TLN2: variants seen among roughly 807,000 people sequenced by gnomAD.
The protein encoded by TLN2 is talin 2.
Under a neutral mutation model 294.7 loss-of-function variants are expected in TLN2, and 118 were observed. That is an observed-to-expected ratio of 0.40 (90% CI 0.34 to 0.47). The LOEUF is 0.47. Ranked by LOEUF, TLN2 falls within the 20% of genes least tolerant of loss-of-function variation. The pLI is 0.84. For missense variants in TLN2, 3,083 were observed against 3,282.2 expected (o/e 0.94, Z 1.48); for synonymous variants, 1,431 against 1,304.5 (o/e 1.10, Z -2.09).
intron 1 of TLN2, among the ~76,000 whole-genome samples, chr15:62,421,644 G>C (rs2034401836): frequency 6.6e-6 from 1 of 151,654 alleles, no homozygotes; most frequent in African/African-American, 2.4e-5. Flanking sequence ...TGGACATATA[G>C]AGGGGAAAAC....
chr15:62,681,234 C>A (rs1596680096), intron 11 of TLN2, among the ~76,000 whole-genome samples: 1 of 152,104 alleles, frequency 6.6e-6, no homozygotes, highest in Non-Finnish European at 1.5e-5. Context: ...AAGCCCTAAA[C>A]TGAACATTGC....
At chr15:62,432,091 G>A (rs947725919) in intron 1 of TLN2, among the ~76,000 whole-genome samples, 3 of 152,178 alleles carry the variant, frequency 2.0e-5, no homozygotes, top group East Asian at 3.9e-4. Flanking sequence ...CAGTTGGGCT[G>A]TATTCCTTCA....
At chr15:62,512,829 T>C (rs1252973279) in intron 1 of TLN2, among the ~76,000 whole-genome samples, 3 of 152,224 alleles carry the variant, frequency 2.0e-5, no homozygotes, top group Admixed American at 6.5e-5. Context: ...CAGGATGTTT[T>C]GGGCATCTTC....
intron 1 of TLN2, among the ~76,000 whole-genome samples, chr15:62,473,850 T>G (rs2037629812): frequency 6.6e-6 from 1 of 152,152 alleles, no homozygotes; most frequent in African/African-American, 2.4e-5. Flanking sequence ...TCCCAGCACT[T>G]TGGGAGGCCG....
At chr15:62,808,557 T>C (rs1445564483) in intron 51 of TLN2, among the ~76,000 whole-genome samples, 1 of 152,144 alleles carries the variant, frequency 6.6e-6, no homozygotes, top group Non-Finnish European at 1.5e-5. Context: ...TTCTACCCGG[T>C]TACAGAGCCC....
At chr15:62,737,827 G>C (rs888928096) in intron 29 of TLN2, among the ~76,000 whole-genome samples, 5 of 152,158 alleles carry the variant, frequency 3.3e-5, no homozygotes, top group Admixed American at 3.3e-4. Context: ...CCACCTCGGC[G>C]ACCTCAGCAG....
chr15:62,746,806 A>G (rs553864974), intron 32 of TLN2, among the ~76,000 whole-genome samples: 2 of 152,340 alleles, frequency 1.3e-5, no homozygotes, highest in Non-Finnish European at 2.9e-5. Context: ...ACTGCAGGAA[A>G]GAATTATGTA....
intron 1 of TLN2, among the ~76,000 whole-genome samples, chr15:62,449,150 G>T (rs2035971381): frequency 6.6e-6 from 1 of 152,156 alleles, no homozygotes; most frequent in South Asian, 2.1e-4. Flanking sequence ...AAATGAAGTG[G>T]CTTAACTCGT....
At chr15:62,551,097 C>T (rs1161804106) in intron 1 of TLN2, among the ~76,000 whole-genome samples, 1 of 152,136 alleles carries the variant, frequency 6.6e-6, no homozygotes, top group Non-Finnish European at 1.5e-5. Flanking sequence ...AGGTCCCTCG[C>T]ATGGGTGGTT....
chr15:62,697,743 G>T lies in TLN2; in HGVS notation c.1348G>T (p.Val450Leu). ...NRTGKAEHGSVALPAVMRSGS... is the reference protein window; with the variant it reads ...NRTGKAEHGSLALPAVMRSGS... ...GACCGGGAAGGCAGAGCACGGCTCA[G>T]TGGCGCTGCCGGCCGTGATGCGCTC... The change falls in exon 15 of 59, where the codon GTG becomes TTG. Residue 450 changes from valine to leucine, a missense_variant. Transcript: ENST00000636159. 6.2e-7 allele frequency: 1 copy of T among 1,612,010 alleles called. No individual in the cohort carries two copies. The highest frequency in any genetic ancestry group is 8.5e-7 in the Non-Finnish European group (1 of 1,178,630).
chr15:62,589,503 G>A (rs543610847), intron 1 of TLN2, among the ~76,000 whole-genome samples, 184 bp from the exon 2 acceptor site: 2 of 152,338 alleles, frequency 1.3e-5, no homozygotes, highest in South Asian at 4.1e-4. Context: ...TTCAAAATAA[G>A]TGTCTTGGGA....
chr15:62,617,847 A>G (rs750704023), intron 2 of TLN2, among the ~76,000 whole-genome samples: 9 of 152,248 alleles, frequency 5.9e-5, no homozygotes, highest in Non-Finnish European at 1.3e-4. Flanking sequence ...TGTTGTATTT[A>G]AATTATGAAA....
intron 42 of TLN2, among the ~76,000 whole-genome samples, chr15:62,772,180 C>T (rs551169052): frequency 6.6e-6 from 1 of 152,132 alleles, no homozygotes; most frequent in African/African-American, 2.4e-5. Context: ...TCATCTCAAA[C>T]TCCCGGCCTC....
chr15:62,628,395 C>G (rs2049473400), intron 3 of TLN2, among the ~76,000 whole-genome samples: 1 of 152,310 alleles, frequency 6.6e-6, no homozygotes, highest in Non-Finnish European at 1.5e-5. Flanking sequence ...GCAAATTACA[C>G]AGGAGCAAAA....
At chr15:62,518,728 G>C (rs1309488865) in intron 1 of TLN2, among the ~76,000 whole-genome samples, 12 of 152,152 alleles carry the variant, frequency 7.9e-5, no homozygotes, top group Non-Finnish European at 1.5e-4. Flanking sequence ...CTTCCCAGTA[G>C]CTGGGATTAC....
chr15:62,486,157 T>G (rs2038379251), intron 1 of TLN2, among the ~76,000 whole-genome samples: 1 of 152,244 alleles, frequency 6.6e-6, no homozygotes, highest in Non-Finnish European at 1.5e-5. Flanking sequence ...CCTTTGCTGC[T>G]AAATACTTTA....
At chr15:62,763,045 T>C (rs2062773230) in intron 39 of TLN2, among the ~76,000 whole-genome samples, 1 of 152,234 alleles carries the variant, frequency 6.6e-6, no homozygotes, top group African/African-American at 2.4e-5. Flanking sequence ...AATTATATTT[T>C]GCTTCCTAGT....
chr15:62,452,238 G>A (rs921896400), intron 1 of TLN2, among the ~76,000 whole-genome samples: 22 of 152,128 alleles, frequency 1.4e-4, no homozygotes, highest in African/African-American at 4.6e-4. Flanking sequence ...CGAAAAGTCC[G>A]TCCTAGCTGC....
intron 52 of TLN2, among the ~76,000 whole-genome samples, chr15:62,816,991 C>G (rs1469153411): frequency 6.6e-6 from 1 of 152,078 alleles, no homozygotes; most frequent in Non-Finnish European, 1.5e-5. Context: ...AGGCTACACA[C>G]CAGAAGAATT....
Sources: allele counts gnomAD v4.1 joint callset (sites outside exome capture counted in the v4.1 genomes callset), GRCh38; gene constraint gnomAD v4.1.1; transcripts MANE v1.5; gene names NCBI Gene and HGNC (gene_info 2026-07-23, HGNC 2026-07-21).